ZNF215: variants seen among roughly 807,000 people sequenced by gnomAD.
The protein encoded by ZNF215 is zinc finger protein 215, also known as BWSCR2-associated zinc finger protein 2.
ZNF215 carries 24 observed loss-of-function variants against 27.2 expected under a neutral mutation model. The ratio of observed to expected loss-of-function variants is 0.88; its 90% confidence interval spans 0.64 to 1.24. ZNF215 has a LOEUF of 1.24. Ranked by LOEUF, ZNF215 falls within the 50% of genes most tolerant of loss-of-function variation. The pLI, the probability that ZNF215 is intolerant of heterozygous loss-of-function variation, is 0.00. For synonymous variants in ZNF215, 210 were observed against 204.0 expected (o/e 1.03, Z -0.25); for missense variants, 675 against 605.7 (o/e 1.11, Z -1.20).
intron 5 of ZNF215, chr11:6,984,058 G>C (rs542724033): frequency 1.1e-5 from 4 of 371,442 alleles, no homozygotes; most frequent in Admixed American, 1.1e-4. Flanking sequence ...CGCTATCTTT[G>C]GGGGTATGAA....
At chr11:6,986,526 T>C (rs1017137467), downstream of ZNF215, among the ~76,000 whole-genome samples, 1 of 151,994 alleles carries the variant, frequency 6.6e-6, no homozygotes, top group African/African-American at 2.4e-5. Flanking sequence ...AAGTGGAACC[T>C]AATTAAAGAG....
chr11:6,979,076 C>G (rs984996737), intron 5 of ZNF215, among the ~76,000 whole-genome samples: 1 of 151,998 alleles, frequency 6.6e-6, no homozygotes, highest in African/African-American at 2.4e-5. Context: ...CCAAAAGGAA[C>G]AAGCACACCT....
downstream of ZNF215, among the ~76,000 whole-genome samples, chr11:6,986,858 C>G (rs1342229080): frequency 2.0e-5 from 3 of 151,872 alleles, no homozygotes; most frequent in African/African-American, 7.2e-5. Context: ...AAAACAAAAA[C>G]AAAAACAGAT....
At chr11:6,968,539 T>TTTTTTTTTTTTTTTTTTTTTTA (rs1850668574) in intron 5 of ZNF215, among the ~76,000 whole-genome samples, 1 of 151,366 alleles carries the variant, frequency 6.6e-6, no homozygotes. Context: ...TTTTTTTTTT[T>TTTTTTTTTTTTTTTTTTTTTTA]GAACAGGCAC....
At chr11:6,964,598 T>C (rs1008605378) in intron 5 of ZNF215, among the ~76,000 whole-genome samples, 2 of 152,046 alleles carry the variant, frequency 1.3e-5, no homozygotes, top group Non-Finnish European at 2.9e-5. Context: ...TTCACTGATC[T>C]TTGTGCCTAT....
At chr11:6,952,583 C>T (rs1020926257) in intron 6 of ZNF215, among the ~76,000 whole-genome samples, 6 of 151,870 alleles carry the variant, frequency 4.0e-5, no homozygotes, top group East Asian at 1.9e-4. Context: ...TTTCCATTTG[C>T]TCGGTAGATC....
intron 6 of ZNF215, among the ~76,000 whole-genome samples, chr11:6,949,210 C>G (rs894670007): frequency 6.6e-6 from 1 of 151,908 alleles, no homozygotes; most frequent in Non-Finnish European, 1.5e-5. Flanking sequence ...AATAAACATA[C>G]GTGTGCATGT....
rs148605315 is a variant in ZNF215 at position 6,932,237 on chromosome 11, C to A, written c.-36C>A. 5 of 1,591,600 alleles carry A rather than the reference C, an allele frequency of 3.1e-6. No homozygotes were observed. The South Asian group carries it at 4.6e-5, about 15-fold the overall frequency. ...TGAGAATTACTGCAATCTAGTAAGGCGGATTTGAACTACTGTGGGAGTTCT... is the reference window on the plus strand; with the variant it reads ...TGAGAATTACTGCAATCTAGTAAGGAGGATTTGAACTACTGTGGGAGTTCT... On this transcript the variant is annotated 5_prime_UTR_variant, in exon 3 of 7. Transcript: ENST00000278319.
chr11:6,965,755 T>C (rs939127029), intron 5 of ZNF215, among the ~76,000 whole-genome samples: 8 of 152,184 alleles, frequency 5.3e-5, no homozygotes, highest in Non-Finnish European at 1.0e-4. Context: ...TAGCTTCCTA[T>C]GAGGGTGCTA....
intron 4 of ZNF215, among the ~76,000 whole-genome samples, chr11:6,942,661 G>A (rs1489725454): frequency 6.6e-6 from 1 of 152,070 alleles, no homozygotes; most frequent in Non-Finnish European, 1.5e-5. Context: ...TAAAGAAAAT[G>A]CCCTACCTCT....
intron 6 of ZNF215, among the ~76,000 whole-genome samples, chr11:6,952,842 C>T (rs996465393): frequency 1.8e-4 from 28 of 151,754 alleles, no homozygotes; most frequent in African/African-American, 6.8e-4. Flanking sequence ...ATGGTCTTTA[C>T]AATTTGGCAT....
chr11:6,965,960 T>C (rs1469309239), intron 5 of ZNF215, among the ~76,000 whole-genome samples: 1 of 152,208 alleles, frequency 6.6e-6, no homozygotes, highest in African/African-American at 2.4e-5. Context: ...TATTTTCTAT[T>C]TTCTGGAAGA....
intron 2 of ZNF215, among the ~76,000 whole-genome samples, chr11:6,928,497 A>C (rs1486428584): frequency 6.6e-6 from 1 of 152,140 alleles, no homozygotes; most frequent in Non-Finnish European, 1.5e-5. Context: ...ATTCATTATA[A>C]TTTTAATTCA....
At chr11:6,981,911 A>G (rs147290763) in intron 5 of ZNF215, among the ~76,000 whole-genome samples, 3,206 of 152,170 alleles carry the variant, frequency 0.021, 121 homozygotes, top group African/African-American at 0.073. Flanking sequence ...CAAAGATCAG[A>G]TAGTTGTAGA....
At chr11:6,948,207 C>T (rs1162202282) in intron 6 of ZNF215, among the ~76,000 whole-genome samples, 1 of 152,138 alleles carries the variant, frequency 6.6e-6, no homozygotes, top group African/African-American at 2.4e-5. Context: ...GTGTTCTTCT[C>T]CCTTGCAAAA....
At chr11:6,983,559 T>C (rs1320641507) in intron 5 of ZNF215, among the ~76,000 whole-genome samples, 1 of 152,062 alleles carries the variant, frequency 6.6e-6, no homozygotes, top group African/African-American at 2.4e-5. Context: ...GTTTACTTTT[T>C]ATAAGAATAT....
downstream of ZNF215, among the ~76,000 whole-genome samples, chr11:6,984,994 C>G (rs992608376): frequency 1.8e-4 from 28 of 152,128 alleles, no homozygotes; most frequent in African/African-American, 6.8e-4. Flanking sequence ...AGTATCAATC[C>G]TACTGAAACC....
At position 6,956,618 on chromosome 11, in the gene ZNF215, A is replaced by G. The variant is rs1208739087; in HGVS notation, c.*87A>G. The G allele has an allele frequency of 1.4e-6, 2 of 1,444,010 alleles. No homozygotes were observed. The highest frequency in any genetic ancestry group is 2.8e-5 in the Admixed American group (1 of 35,806). The allele number at this position is 1,444,010 out of a possible 1,614,324, so 89.4% of individuals were successfully genotyped here. A position where few individuals can be genotyped will look rare whatever the true frequency, so the allele number is the denominator to read the frequency against. ...TTATGCTGGATAAAATCTCATGAAT[A>G]TAATGTAAGAAAACATTTGTCAGAT... On this transcript the variant is annotated 3_prime_UTR_variant, in exon 7 of 7. Coordinates refer to ENST00000278319, the MANE Select transcript of ZNF215 (RefSeq NM_013250.4).
intron 3 of ZNF215, among the ~76,000 whole-genome samples, chr11:6,938,229 A>G (rs1290120049): frequency 6.6e-6 from 1 of 152,072 alleles, no homozygotes; most frequent in African/African-American, 2.4e-5. Context: ...GCCAAAAAGT[A>G]TAGGAATAAA....
Sources: gnomAD v4.1 joint callset for allele counts (sites outside exome capture counted in the v4.1 genomes callset) on GRCh38, gnomAD v4.1.1 for gene constraint, MANE v1.5 for transcripts, NCBI Gene and HGNC (gene_info 2026-07-23, HGNC 2026-07-21) for gene names.